DPH6: variants seen among roughly 807,000 people sequenced by gnomAD.
DPH6 encodes diphthine--ammonia ligase.
Under a neutral mutation model 38.2 loss-of-function variants are expected in DPH6, and 33 were observed. That is an observed-to-expected ratio of 0.86 (90% CI 0.65 to 1.15). The LOEUF (loss-of-function observed/expected upper bound fraction) is 1.15. Ranked by LOEUF, DPH6 falls within the 50% of genes most tolerant of loss-of-function variation. DPH6 has a pLI of 0.00. For synonymous variants in DPH6, 108 were observed against 103.0 expected (o/e 1.05, Z -0.30); for missense variants, 325 against 320.0 (o/e 1.02, Z -0.12).
intron 6 of DPH6, among the ~76,000 whole-genome samples, chr15:35,402,696 C>T (rs2053236358): frequency 6.6e-6 from 1 of 151,914 alleles, no homozygotes; most frequent in Admixed American, 6.6e-5. Flanking sequence ...GTTTAAGAAA[C>T]AATGGCTAAA....
chr15:35,244,265 T>C (rs1405517613), intron 3 of DPH6, among the ~76,000 whole-genome samples: 2 of 152,192 alleles, frequency 1.3e-5, no homozygotes, highest in Admixed American at 1.3e-4. Context: ...TTTGCCCCCT[T>C]TCCACTTTTT....
intron 4 of DPH6, among the ~76,000 whole-genome samples, chr15:35,454,074 T>G (rs968538184): frequency 5.7e-4 from 86 of 152,186 alleles, no homozygotes; most frequent in African/African-American, 1.8e-3. Context: ...GTAAATTCAT[T>G]CAGGTGGTGT....
chr15:35,169,966 A>C, the DPH6 span, among the ~76,000 whole-genome samples: 2 of 152,212 alleles, frequency 1.3e-5, no homozygotes, highest in South Asian at 2.1e-4. Flanking sequence ...TTCAAAGTAC[A>C]ATTTAATTGG....
the DPH6 span, among the ~76,000 whole-genome samples, chr15:35,185,785 C>T: frequency 2.3e-5 from 3 of 132,242 alleles, no homozygotes; most frequent in Non-Finnish European, 3.1e-5. Flanking sequence ...AGTACAGTGG[C>T]GTGATCTCAG....
At chr15:35,163,559 C>T in the DPH6 span, among the ~76,000 whole-genome samples, 3 of 151,838 alleles carry the variant, frequency 2.0e-5, no homozygotes, top group Non-Finnish European at 2.9e-5. Flanking sequence ...AGCAGTGAAT[C>T]GAAAAGTTAT....
downstream of DPH6, among the ~76,000 whole-genome samples, chr15:35,214,822 T>C (rs1246020076): frequency 6.6e-6 from 1 of 152,068 alleles, no homozygotes; most frequent in Non-Finnish European, 1.5e-5. Context: ...TGGCCAGGCT[T>C]GTCTCGAACT....
chr15:35,357,849 T>C (rs1051412969), intron 3 of DPH6, among the ~76,000 whole-genome samples: 9 of 152,240 alleles, frequency 5.9e-5, no homozygotes, highest in African/African-American at 1.9e-4. Context: ...GATGACCTGA[T>C]GACAATGTGC....
chr15:35,366,146 T>C (rs1340200340), downstream of DPH6, among the ~76,000 whole-genome samples: 2 of 151,902 alleles, frequency 1.3e-5, no homozygotes, highest in Non-Finnish European at 2.9e-5. Flanking sequence ...CTTGAGTTTA[T>C]ACACGTTGCT....
At chr15:35,487,944 A>T (rs567612175) in intron 3 of DPH6, among the ~76,000 whole-genome samples, 89 of 152,318 alleles carry the variant, frequency 5.8e-4, no homozygotes, top group Middle Eastern at 3.4e-3. Context: ...TTTGTTGCTT[A>T]GAAATTTCTT....
the DPH6 span, among the ~76,000 whole-genome samples, chr15:35,166,391 C>G: frequency 6.6e-6 from 1 of 151,958 alleles, no homozygotes; most frequent in African/African-American, 2.4e-5. Flanking sequence ...TTTGGGTCTT[C>G]ACTTCCTTAT....
intron 1 of DPH6, 55 bp from the exon 2 acceptor site, chr15:35,542,562 A>T (rs993333817): frequency 6.3e-6 from 9 of 1,438,190 alleles, no homozygotes; most frequent in Admixed American, 1.7e-5. Context: ...ATTATTCAAC[A>T]TAAAATCACT....
intron 3 of DPH6, among the ~76,000 whole-genome samples, chr15:35,336,389 A>G (rs1163350006): frequency 6.6e-6 from 1 of 151,902 alleles, no homozygotes; most frequent in Admixed American, 6.6e-5. Context: ...TTTTTTCTCT[A>G]AACTTCTCTT....
At chr15:35,311,867 A>C (rs2052144477) in intron 3 of DPH6, among the ~76,000 whole-genome samples, 1 of 152,160 alleles carries the variant, frequency 6.6e-6, no homozygotes, top group Non-Finnish European at 1.5e-5. Flanking sequence ...TGCTGCAGAA[A>C]ACATTTCTGC....
At chr15:35,339,191 T>C (rs1031700489) in intron 3 of DPH6, among the ~76,000 whole-genome samples, 3 of 151,356 alleles carry the variant, frequency 2.0e-5, no homozygotes, top group Non-Finnish European at 4.4e-5. Flanking sequence ...ATAAAAAATA[T>C]ATATATAAAT....
exon 4 of DPH6, chr15:35,218,371 C>A (rs866612297): frequency 1.3e-5 from 2 of 152,082 alleles, no homozygotes; most frequent in Admixed American, 6.6e-5. Context: ...TGACTGTTGC[C>A]CTTTCAGAGG....
chr15:35,184,771 T>A, the DPH6 span, among the ~76,000 whole-genome samples: 2 of 152,182 alleles, frequency 1.3e-5, no homozygotes, highest in Admixed American at 6.5e-5. Context: ...ATATGTTACA[T>A]TGGAAGTCAT....
At chr15:35,469,854 C>T (rs2054175551) in intron 3 of DPH6, among the ~76,000 whole-genome samples, 1 of 152,050 alleles carries the variant, frequency 6.6e-6, no homozygotes, top group Non-Finnish European at 1.5e-5. Flanking sequence ...AAGAATGAAG[C>T]CCCGAGAACA....
At chr15:35,526,303 C>A (rs1265252721) in intron 3 of DPH6, among the ~76,000 whole-genome samples, 1 of 152,284 alleles carries the variant, frequency 6.6e-6, no homozygotes, top group Middle Eastern at 3.4e-3. Context: ...GAAGAATCAG[C>A]AAATTCTGCA....
chr15:35,459,373 A>C (rs1160169073), intron 3 of DPH6, among the ~76,000 whole-genome samples: 2 of 152,218 alleles, frequency 1.3e-5, no homozygotes, highest in Non-Finnish European at 2.9e-5. Context: ...TGAGGGCCTC[A>C]CTTTCATAAC....
Sources: allele counts gnomAD v4.1 joint callset (sites outside exome capture counted in the v4.1 genomes callset), GRCh38; gene constraint gnomAD v4.1.1; transcripts MANE v1.5; gene names NCBI Gene and HGNC (gene_info 2026-07-23, HGNC 2026-07-21).